The following ESRRG variants were observed in gnomAD, a reference collection of about 807,000 sequenced individuals.
The protein encoded by ESRRG is estrogen related receptor gamma, also known as estrogen-related receptor gamma.
In ESRRG, 13 loss-of-function variants were observed where a neutral mutation model predicts 44.0. The observed-to-expected ratio is 0.30, with a 90% CI of 0.19 to 0.47. The LOEUF (loss-of-function observed/expected upper bound fraction) is 0.47, where lower values mean the gene tolerates loss of function less well. Ranked by LOEUF, ESRRG falls within the 20% of genes least tolerant of loss-of-function variation. ESRRG has a pLI of 1.00. For missense variants in ESRRG, 395 were observed against 580.6 expected (o/e 0.68, Z 3.29); for synonymous variants, 215 against 214.6 (o/e 1.00, Z -0.02).
At chr1:216,916,985 T>G (rs915501295) in intron 2 of ESRRG, among the ~76,000 whole-genome samples, 3 of 150,792 alleles carry the variant, frequency 2.0e-5, no homozygotes, top group Admixed American at 6.6e-5. Flanking sequence ...CACCGTTCCG[T>G]TCATCTTACT....
intron 1 of ESRRG, among the ~76,000 whole-genome samples, chr1:217,116,623 G>T (rs2102481150): frequency 6.6e-6 from 1 of 152,234 alleles, no homozygotes; most frequent in African/African-American, 2.4e-5. Context: ...TTACTGATGG[G>T]ACAGAAAATG....
intron 2 of ESRRG, among the ~76,000 whole-genome samples, chr1:216,801,282 T>G (rs2148300622): frequency 6.6e-6 from 1 of 152,314 alleles, no homozygotes; most frequent in Middle Eastern, 3.4e-3. Context: ...TTGTCCAGGC[T>G]GGACTCGAAC....
At chr1:216,985,442 A>G (rs1336618746) in intron 1 of ESRRG, among the ~76,000 whole-genome samples, 8 of 152,190 alleles carry the variant, frequency 5.3e-5, no homozygotes, top group Non-Finnish European at 8.8e-5. Flanking sequence ...TTCAAAGGCA[A>G]AGTTGCTTCC....
chr1:217,126,167 T>A (rs550117780), intron 1 of ESRRG, among the ~76,000 whole-genome samples: 12 of 152,208 alleles, frequency 7.9e-5, no homozygotes, highest in African/African-American at 2.9e-4. Context: ...AGCCTCACTT[T>A]CCTCTCTGTG....
intron 2 of ESRRG, among the ~76,000 whole-genome samples, chr1:216,807,373 A>G (rs1182102828): frequency 6.6e-6 from 1 of 152,182 alleles, no homozygotes; most frequent in Non-Finnish European, 1.5e-5. Context: ...TAGAAAGTTG[A>G]TCAAGAGTCT....
chr1:216,831,054 T>C (rs1456743819), intron 2 of ESRRG, among the ~76,000 whole-genome samples: 1 of 151,740 alleles, frequency 6.6e-6, no homozygotes, highest in Non-Finnish European at 1.5e-5. Flanking sequence ...CATCACACAA[T>C]GTTTGAGTGA....
intron 3 of ESRRG, among the ~76,000 whole-genome samples, chr1:216,646,132 T>C (rs1486721039): frequency 6.6e-6 from 1 of 152,078 alleles, no homozygotes; most frequent in Non-Finnish European, 1.5e-5. Flanking sequence ...AGTGAAAACC[T>C]CTGCTTGGGT....
intron 6 of ESRRG, among the ~76,000 whole-genome samples, chr1:216,510,873 C>CAAA (rs564745342): frequency 2.0e-5 from 3 of 147,134 alleles, no homozygotes; most frequent in African/African-American, 7.5e-5. Context: ...GACTCCGTCT[C>CAAA]AAAAAAAAAA....
At chr1:216,799,969 C>T (rs928587025) in intron 2 of ESRRG, among the ~76,000 whole-genome samples, 1 of 152,026 alleles carries the variant, frequency 6.6e-6, no homozygotes, top group Non-Finnish European at 1.5e-5. Context: ...CATTTATTTG[C>T]AAATAAAAAT....
intron 5 of ESRRG, among the ~76,000 whole-genome samples, chr1:216,525,849 C>A (rs1387903594): frequency 6.6e-6 from 1 of 152,094 alleles, no homozygotes; most frequent in Non-Finnish European, 1.5e-5. Context: ...CAGAGTGCTT[C>A]AGGGAACTGA....
At chr1:216,904,400 G>A (rs2059447654) in intron 2 of ESRRG, among the ~76,000 whole-genome samples, 1 of 151,588 alleles carries the variant, frequency 6.6e-6, no homozygotes. Flanking sequence ...AAGTTTAGGG[G>A]ATATTCTGGA....
intron 3 of ESRRG, among the ~76,000 whole-genome samples, chr1:216,588,761 C>T (rs2057125903): frequency 6.6e-6 from 1 of 152,060 alleles, no homozygotes; most frequent in South Asian, 2.1e-4. Flanking sequence ...AAACTCTAAA[C>T]AAATTTTTTA....
chr1:216,738,857 G>A (rs978889814), intron 2 of ESRRG, among the ~76,000 whole-genome samples: 1 of 151,992 alleles, frequency 6.6e-6, no homozygotes, highest in Admixed American at 6.6e-5. Flanking sequence ...ATTTACTTAT[G>A]AGACAGGGTC....
intron 2 of ESRRG, among the ~76,000 whole-genome samples, chr1:216,656,613 G>A (rs1356217054): frequency 6.6e-6 from 1 of 152,124 alleles, no homozygotes; most frequent in Non-Finnish European, 1.5e-5. Context: ...GTCACTTAAT[G>A]GACTTTTACA....
intron 5 of ESRRG, among the ~76,000 whole-genome samples, chr1:216,548,780 G>C (rs1008844839): frequency 1.3e-5 from 2 of 152,006 alleles, no homozygotes; most frequent in Non-Finnish European, 2.9e-5. Flanking sequence ...CTAAGCTTTA[G>C]GAAAGTGTGC....
At chr1:217,105,971 A>G (rs112270687) in intron 1 of ESRRG, among the ~76,000 whole-genome samples, 37 of 152,292 alleles carry the variant, frequency 2.4e-4, no homozygotes, top group African/African-American at 8.2e-4. Context: ...CACTTTAAAA[A>G]CTAAATGAGA....
At chr1:216,811,141 A>G (rs776640104) in intron 2 of ESRRG, among the ~76,000 whole-genome samples, 4 of 152,314 alleles carry the variant, frequency 2.6e-5, no homozygotes, top group South Asian at 2.1e-4. Flanking sequence ...CTTTTTAAAT[A>G]AGAGATGATG....
chr1:216,637,033 T>C (rs1354313623), intron 3 of ESRRG, among the ~76,000 whole-genome samples: 2 of 152,176 alleles, frequency 1.3e-5, no homozygotes, highest in African/African-American at 4.8e-5. Flanking sequence ...ACAGAATCGT[T>C]GAGAAGTACA....
At chr1:217,135,377 G>T (rs903995965) in intron 1 of ESRRG, among the ~76,000 whole-genome samples, 8 of 152,222 alleles carry the variant, frequency 5.3e-5, no homozygotes, top group Admixed American at 6.5e-5. Context: ...TTGAGGGTAG[G>T]GCCAAAGAGG....
Sources: allele counts gnomAD v4.1 joint callset (sites outside exome capture counted in the v4.1 genomes callset), GRCh38; gene constraint gnomAD v4.1.1; transcripts MANE v1.5; gene names NCBI Gene and HGNC (gene_info 2026-07-23, HGNC 2026-07-21).